Variants in GLIPR2 observed in about 807,000 individuals in gnomAD.
GLIPR2 encodes the protein GLI pathogenesis related 2.
In GLIPR2, 21 loss-of-function variants were observed where a neutral mutation model predicts 20.4. That is an observed-to-expected ratio of 1.03 (90% confidence interval 0.73 to 1.48). The LOEUF (loss-of-function observed/expected upper bound fraction) is 1.48. GLIPR2 is among the 40% of genes most tolerant of loss of function. The pLI, the probability that GLIPR2 is intolerant of heterozygous loss-of-function variation, is 0.00. For missense variants in GLIPR2, 205 were observed against 200.1 expected (o/e 1.02, Z -0.15); for synonymous variants, 91 against 80.5 (o/e 1.13, Z -0.70).
intron 4 of GLIPR2, among the ~76,000 whole-genome samples, chr9:36,154,987 A>C (rs1825768323): frequency 6.6e-6 from 1 of 152,238 alleles, no homozygotes; most frequent in African/African-American, 2.4e-5. Context: ...CTGTAGAAGT[A>C]GGGACACCAG....
chr9:36,148,575 A>C lies in GLIPR2; in HGVS notation c.151A>C (p.Ile51Leu), dbSNP rs1355556334. 2 of 1,613,960 alleles carry C rather than the reference A, an allele frequency of 1.2e-6. No individual in the cohort carries two copies. Among genetic ancestry groups the C allele is most frequent in the African/African-American group, 2.7e-5 (2 of 75,050 alleles). Reference protein sequence around the residue: ...QYSEALASTRILKHSPESSRG... With the variant: ...QYSEALASTRLLKHSPESSRG... ...TTCTGAGGCCCTGGCCAGCACGAGGATCCTCAAGCACAGCCCGGAGTCCAG... is the reference window on the plus strand; with the variant it reads ...TTCTGAGGCCCTGGCCAGCACGAGGCTCCTCAAGCACAGCCCGGAGTCCAG... Residue 51 changes from isoleucine to leucine, a missense_variant, in exon 3 of 5, where the codon ATC becomes CTC. Ile to Leu is a conservative substitution (Grantham distance 5, BLOSUM62 2). Transcript: ENST00000377960.
intron 1 of GLIPR2, among the ~76,000 whole-genome samples, chr9:36,137,645 GA>G (rs1253531071): frequency 6.6e-6 from 1 of 152,182 alleles, no homozygotes; most frequent in Non-Finnish European, 1.5e-5. Context: ...GTGGGCCGGG[GA>G]CAAGAGTTCA....
In GLIPR2 at chr9:36,147,792, A is replaced by G. The variant is rs770627240; in HGVS notation, c.20A>G (p.Lys7Arg). The change falls in exon 2 of 5, where the codon AAA (lysine) becomes AGA (arginine). Residue 7 changes from lysine to arginine, a missense_variant. By Grantham distance (26) the Lys-to-Arg change is conservative. Coordinates refer to ENST00000377960, the MANE Select transcript of GLIPR2 (RefSeq NM_022343.4). MGKSASKQFHNEVLKAH... is the reference protein window; with the variant it reads MGKSASRQFHNEVLKAH... The stretch of plus-strand genomic sequence containing the variant: ...CATTTTGCAATCATTCCAGCTTCCA[A>G]ACAGTTTCATAATGAGGTCCTGAAG... 4 of 1,488,344 alleles carry G rather than the reference A, an allele frequency of 2.7e-6. No homozygotes were observed. The South Asian group carries it at 4.5e-5, about 17-fold the overall frequency. 92.2% of individuals were successfully genotyped at this position (1,488,344 alleles called of 1,614,324 possible).
At position 36,163,223 on chromosome 9, in the gene GLIPR2, C is replaced by T; in HGVS notation, c.*701C>T. On this transcript the variant is annotated 3_prime_UTR_variant, in exon 5 of 5. Coordinates refer to ENST00000377960, the MANE Select transcript of GLIPR2 (RefSeq NM_022343.4). ...TACCACCACCACCTCTTGCCCCCTT[C>T]CCTCTTTTCTTAAACTTCTGGCATT... 1.8e-5 allele frequency: 4 copies of T among 226,446 alleles called. No homozygotes were observed. In the South Asian group the frequency reaches 1.9e-4, roughly 11 times the overall value. The allele number at this position is 226,446 out of a possible 1,614,324, so 14.0% of individuals were successfully genotyped here.
At chr9:36,160,009 G>A (rs1825990384) in intron 4 of GLIPR2, among the ~76,000 whole-genome samples, 1 of 152,138 alleles carries the variant, frequency 6.6e-6, no homozygotes, top group South Asian at 2.1e-4. Flanking sequence ...CGACTTCTTT[G>A]AACAAATGAT....
In GLIPR2 at chr9:36,163,483, G is replaced by C. The variant is rs1826152365; in HGVS notation, c.*961G>C. 1 of 154,488 alleles carries C rather than the reference G, an allele frequency of 6.5e-6. No homozygotes were observed. The highest frequency in any genetic ancestry group is 1.4e-5 in the Non-Finnish European group (1 of 69,508). The allele number at this position is 154,488 out of a possible 1,614,324, so 9.6% of individuals were successfully genotyped here. A position where few individuals can be genotyped will look rare whatever the true frequency, so the allele number is the denominator to read the frequency against. The stretch of plus-strand genomic sequence containing the variant: ...CTCTGCCCTCCCCCCACACAGGGCG[G>C]GAGCCCAGGCCTGTTCCTGGCAGCT... On this transcript the variant is annotated 3_prime_UTR_variant, in exon 5 of 5. Coordinates refer to ENST00000377960, the MANE Select transcript of GLIPR2 (RefSeq NM_022343.4).
intron 4 of GLIPR2, among the ~76,000 whole-genome samples, chr9:36,159,360 A>G (rs1428828529): frequency 6.6e-6 from 1 of 152,230 alleles, no homozygotes; most frequent in African/African-American, 2.4e-5. Context: ...AAAACATAGA[A>G]TGCTGCACTT....
In GLIPR2 at chr9:36,163,283, A is replaced by G. The variant is rs533515217; in HGVS notation, c.*761A>G. 9.4e-6 allele frequency: 2 copies of G among 212,124 alleles called. No individual in the cohort carries two copies. The highest frequency in any genetic ancestry group is 1.9e-5 in the Non-Finnish European group (2 of 104,784). The allele number at this position is 212,124 out of a possible 1,614,324, so 13.1% of individuals were successfully genotyped here. On this transcript the variant is annotated 3_prime_UTR_variant, in exon 5 of 5. Coordinates refer to ENST00000377960, the MANE Select transcript of GLIPR2 (RefSeq NM_022343.4). Reference sequence around the variant, plus strand: ...AGCAGGCTACCCCTGGTTTCTGGAGAGTTGGGCTAGGCCTGAAGCTCCCCC... The same window carrying G: ...AGCAGGCTACCCCTGGTTTCTGGAGGGTTGGGCTAGGCCTGAAGCTCCCCC...
intron 4 of GLIPR2, among the ~76,000 whole-genome samples, chr9:36,151,472 G>C (rs1448915246): frequency 6.6e-6 from 1 of 151,820 alleles, no homozygotes; most frequent in Non-Finnish European, 1.5e-5. Context: ...CGGCCTCCCT[G>C]GCTTTCTCCC....
chr9:36,151,422 G>A (rs1825580338), intron 4 of GLIPR2, among the ~76,000 whole-genome samples: 1 of 152,154 alleles, frequency 6.6e-6, no homozygotes, highest in South Asian at 2.1e-4. Flanking sequence ...CAAGCTGCTG[G>A]CACTCCTCCT....
At position 36,162,691 on chromosome 9, in the gene GLIPR2, C is replaced by A. The variant is rs1471798605; in HGVS notation, c.*169C>A. 17 of 681,946 alleles carry A rather than the reference C, an allele frequency of 2.5e-5. No homozygotes were observed. Among genetic ancestry groups the A allele is most frequent in the Non-Finnish European group, 4.0e-5 (16 of 396,974 alleles). The allele number at this position is 681,946 out of a possible 1,614,324, so 42.2% of individuals were successfully genotyped here. A position where few individuals can be genotyped will look rare whatever the true frequency, so the allele number is the denominator to read the frequency against. On this transcript the variant is annotated 3_prime_UTR_variant, in exon 5 of 5. Coordinates refer to ENST00000377960, the MANE Select transcript of GLIPR2 (RefSeq NM_022343.4). ...TTGGACATACAGTTCTGTGTGCGCT[C>A]ATTCTTATTACAGGAGTGAGCAAAG...
intron 4 of GLIPR2, among the ~76,000 whole-genome samples, chr9:36,154,119 C>T (rs952009144): frequency 2.7e-5 from 4 of 147,506 alleles, no homozygotes; most frequent in Non-Finnish European, 6.0e-5. Flanking sequence ...CCTTTGAGAC[C>T]GAGTCTCACT....
rs1376069717 is a variant in GLIPR2 at position 36,148,657 on chromosome 9, C to T, written c.226+7C>T. The T allele has an allele frequency of 9.4e-6, 15 of 1,591,894 alleles. No individual in the cohort carries two copies. The highest frequency in any genetic ancestry group is 1.3e-5 in the African/African-American group (1 of 74,446). Reference sequence around the variant, plus strand: ...GCATCCTATGATCAGACAGGTGGGTCGCATTTTCAGCTCCTCTCCTCTCTG... The same window carrying T: ...GCATCCTATGATCAGACAGGTGGGTTGCATTTTCAGCTCCTCTCCTCTCTG... On this transcript the variant is annotated splice_region_variant and intron_variant, in intron 3 of 4. Transcript: ENST00000377960.
chr9:36,162,632 G>T lies in GLIPR2; in HGVS notation c.*110G>T, dbSNP rs1826106983. The T allele has an allele frequency of 4.8e-6, 5 of 1,034,248 alleles. No individual in the cohort carries two copies. The highest frequency in any genetic ancestry group is 2.7e-5 in the South Asian group (2 of 72,962). 64.1% of individuals were successfully genotyped at this position (1,034,248 alleles called of 1,614,324 possible). A position where few individuals can be genotyped will look rare whatever the true frequency, so the allele number is the denominator to read the frequency against. Reference sequence around the variant, plus strand: ...TCCCTGTGGGTGTATGTGCTTGTGTGTGTGATGCATGTGAGCGTCTCTGGC... The same window carrying T: ...TCCCTGTGGGTGTATGTGCTTGTGTTTGTGATGCATGTGAGCGTCTCTGGC... On this transcript the variant is annotated 3_prime_UTR_variant, in exon 5 of 5. Coordinates refer to ENST00000377960, the MANE Select transcript of GLIPR2 (RefSeq NM_022343.4).
At chr9:36,144,395 T>C (rs1043074750) in intron 1 of GLIPR2, 3 of 152,218 alleles carry the variant, frequency 2.0e-5, no homozygotes, top group Non-Finnish European at 4.4e-5. Flanking sequence ...CTCCACAACT[T>C]TTTCATGTTG....
intron 3 of GLIPR2, among the ~76,000 whole-genome samples, chr9:36,149,940 A>G (rs1039983406): frequency 1.3e-5 from 2 of 152,214 alleles, no homozygotes; most frequent in Admixed American, 6.5e-5. Context: ...AGGCAGGAGA[A>G]TCGCTTGAAC....
At position 36,162,573 on chromosome 9, in the gene GLIPR2, T is replaced by G; in HGVS notation, c.*51T>G. ...CAGACTTAAGAACGTGGATATGAAG[T>G]GCCTAGAACCACCACAACCTGGCTG... is the stretch of plus-strand genomic sequence containing the variant. On this transcript the variant is annotated 3_prime_UTR_variant, in exon 5 of 5. Transcript: ENST00000377960. The G allele has an allele frequency of 4.5e-6, 7 of 1,553,344 alleles. No individual in the cohort carries two copies. Among genetic ancestry groups the G allele is most frequent in the Non-Finnish European group, 6.2e-6 (7 of 1,132,360 alleles).
chr9:36,158,420 C>G (rs1487116704), intron 4 of GLIPR2, among the ~76,000 whole-genome samples: 2 of 152,160 alleles, frequency 1.3e-5, no homozygotes, highest in East Asian at 3.9e-4. Flanking sequence ...AAGTGGTTGC[C>G]CTTTTTTCTT....
chr9:36,162,998 A>AT lies in GLIPR2; in HGVS notation c.*477dup. 2.3e-6 allele frequency: 1 copy of AT among 433,074 alleles called. No individual in the cohort carries two copies. The highest frequency in any genetic ancestry group is 4.6e-6 in the Non-Finnish European group (1 of 218,898). The allele number at this position is 433,074 out of a possible 1,614,324, so 26.8% of individuals were successfully genotyped here. ...TGACATAAAATACAGCTTTAAGCACATAAATACAAAGCAGCTTCCATCAGG... is the reference window on the plus strand; with the variant it reads ...TGACATAAAATACAGCTTTAAGCACATTAAATACAAAGCAGCTTCCATCAGG... On this transcript the variant is annotated 3_prime_UTR_variant, in exon 5 of 5. Transcript: ENST00000377960.
Sources: gnomAD v4.1 joint callset for allele counts (sites outside exome capture counted in the v4.1 genomes callset) on GRCh38, gnomAD v4.1.1 for gene constraint, MANE v1.5 for transcripts, NCBI Gene and HGNC (gene_info 2026-07-23, HGNC 2026-07-21) for gene names.